Variants in CNTNAP2 observed in about 807,000 individuals in gnomAD.
CNTNAP2 encodes contactin-associated protein-like 2.
A neutral mutation model predicts 155.2 loss-of-function variants in CNTNAP2; 98 were observed. The ratio of observed to expected loss-of-function variants is 0.63; its 90% CI spans 0.54 to 0.75. CNTNAP2 has a LOEUF of 0.75. CNTNAP2 is among the 30% of genes least tolerant of loss of function. The pLI, the probability that CNTNAP2 is intolerant of heterozygous loss-of-function variation, is 0.00. For missense variants in CNTNAP2, 1,727 were observed against 1,688.1 expected (o/e 1.02, Z -0.40); for synonymous variants, 651 against 631.2 (o/e 1.03, Z -0.47).
chr7:146,120,228 G>A (rs1462212263), intron 1 of CNTNAP2, among the ~76,000 whole-genome samples: 1 of 151,892 alleles, frequency 6.6e-6, no homozygotes, highest in Non-Finnish European at 1.5e-5. Context: ...GGTTTATAGA[G>A]ACCTTGAACA....
chr7:147,115,707 C>T (rs1217560645), intron 5 of CNTNAP2, among the ~76,000 whole-genome samples: 1 of 151,988 alleles, frequency 6.6e-6, no homozygotes, highest in Non-Finnish European at 1.5e-5. Flanking sequence ...CTATCAGATC[C>T]CATATTGTAT....
chr7:147,348,322 A>C (rs1563169775), intron 9 of CNTNAP2, among the ~76,000 whole-genome samples: 3 of 152,006 alleles, frequency 2.0e-5, no homozygotes, highest in African/African-American at 2.4e-5. Flanking sequence ...AATATATTTT[A>C]AAATGGGCAA....
intron 12 of CNTNAP2, among the ~76,000 whole-genome samples, chr7:147,609,901 G>A (rs781109257): frequency 1.8e-4 from 27 of 151,956 alleles, no homozygotes; most frequent in Non-Finnish European, 3.8e-4. Flanking sequence ...TAAATTCGGG[G>A]AAAGACAAAT....
chr7:147,944,749 G>A (rs1041511725), intron 14 of CNTNAP2, among the ~76,000 whole-genome samples: 7 of 152,172 alleles, frequency 4.6e-5, no homozygotes, highest in African/African-American at 1.4e-4. Context: ...TTGTAGGGAT[G>A]GATACACAGC....
chr7:148,124,064 A>G (rs764787225), intron 16 of CNTNAP2, among the ~76,000 whole-genome samples: 4 of 152,130 alleles, frequency 2.6e-5, no homozygotes, highest in Non-Finnish European at 4.4e-5. Context: ...GAAGGAGAAA[A>G]CTATGGTAGA....
intron 13 of CNTNAP2, among the ~76,000 whole-genome samples, chr7:147,642,011 C>CATGT (rs1554416368): frequency 7.3e-5 from 11 of 149,712 alleles, no homozygotes; most frequent in African/African-American, 2.7e-4. Context: ...TGTGTGTGTG[C>CATGT]GTGTGTGTGT....
At chr7:146,498,102 C>T (rs1194677337) in intron 1 of CNTNAP2, among the ~76,000 whole-genome samples, 1 of 152,004 alleles carries the variant, frequency 6.6e-6, no homozygotes, top group Non-Finnish European at 1.5e-5. Flanking sequence ...TAATTGAATT[C>T]AGAAGCAGGA....
intron 1 of CNTNAP2, among the ~76,000 whole-genome samples, chr7:146,413,367 A>G (rs1795893674): frequency 6.6e-6 from 1 of 152,196 alleles, no homozygotes; most frequent in Non-Finnish European, 1.5e-5. Context: ...TGCAAGTCCC[A>G]AGATCCCAAA....
At chr7:146,784,358 AAG>A (rs1802538553) in intron 2 of CNTNAP2, among the ~76,000 whole-genome samples, 1 of 152,200 alleles carries the variant, frequency 6.6e-6, no homozygotes, top group Non-Finnish European at 1.5e-5. Flanking sequence ...GACTGTCTAA[AAG>A]AGGGGGAAGT....
intron 12 of CNTNAP2, among the ~76,000 whole-genome samples, chr7:147,577,111 T>TGCACG (rs1563005341): frequency 6.6e-6 from 1 of 152,086 alleles, no homozygotes; most frequent in Non-Finnish European, 1.5e-5. Flanking sequence ...GATGGTTACT[T>TGCACG]TCACGTGACC....
intron 3 of CNTNAP2, among the ~76,000 whole-genome samples, chr7:147,016,301 T>G (rs1798722115): frequency 6.6e-6 from 1 of 151,986 alleles, no homozygotes; most frequent in Non-Finnish European, 1.5e-5. Context: ...TCTTCTGAGT[T>G]CAAGCCGGAT....
intron 3 of CNTNAP2, among the ~76,000 whole-genome samples, chr7:146,990,234 T>C (rs1414920650): frequency 6.6e-6 from 1 of 152,176 alleles, no homozygotes; most frequent in Non-Finnish European, 1.5e-5. Context: ...TGCTGAGTCC[T>C]GAGTCTCAAT....
At chr7:146,800,217 G>A (rs1436014010) in intron 2 of CNTNAP2, among the ~76,000 whole-genome samples, 1 of 152,004 alleles carries the variant, frequency 6.6e-6, no homozygotes, top group Non-Finnish European at 1.5e-5. Context: ...CTTTTTTACT[G>A]AAGTTTCTAG....
intron 1 of CNTNAP2, among the ~76,000 whole-genome samples, chr7:146,273,086 A>AGAGAGAG (rs1563016942): frequency 3.9e-4 from 54 of 138,066 alleles, no homozygotes; most frequent in African/African-American, 1.5e-3. Context: ...GAGAAAGAGA[A>AGAGAGAG]AGAGAGAGAG....
chr7:147,383,084 A>G (rs1796564139), intron 9 of CNTNAP2, among the ~76,000 whole-genome samples: 1 of 150,222 alleles, frequency 6.7e-6, no homozygotes, highest in South Asian at 2.1e-4. Flanking sequence ...CACTATTTTT[A>G]TCCTAGAAAA....
At position 147,132,436 on chromosome 7, in the gene CNTNAP2, C is replaced by T; in HGVS notation, c.1275C>T (p.Asp425=). 1.9e-6 allele frequency: 3 copies of T among 1,613,628 alleles called. No homozygotes were observed. Among genetic ancestry groups the T allele is most frequent in the Non-Finnish European group, 2.5e-6 (3 of 1,179,756 alleles). The part of the protein sequence containing the change: ...FADNLGNVEI[D]LTESKVGVHI... Reference sequence around the variant, plus strand: ...ATAATTTGGGCAATGTGGAGATTGACCTCACTGAAAGCAAAGTGGGTGTTC... The same window carrying T: ...ATAATTTGGGCAATGTGGAGATTGATCTCACTGAAAGCAAAGTGGGTGTTC... Residue 425 remains aspartate, a synonymous_variant, in exon 8 of 24, where the codon GAC becomes GAT. Transcript: ENST00000361727.
intron 5 of CNTNAP2, among the ~76,000 whole-genome samples, chr7:147,116,162 C>G (rs1800985955): frequency 6.6e-6 from 1 of 152,144 alleles, no homozygotes; most frequent in Non-Finnish European, 1.5e-5. Context: ...ATGAAGCCTG[C>G]AGGACAGCAA....
intron 1 of CNTNAP2, among the ~76,000 whole-genome samples, chr7:146,236,770 A>G (rs1283234075): frequency 6.6e-6 from 1 of 151,362 alleles, no homozygotes; most frequent in South Asian, 2.1e-4. Context: ...CATACTAATG[A>G]CCCCCAAGAG....
At chr7:147,393,630 C>T (rs1047716309) in intron 9 of CNTNAP2, among the ~76,000 whole-genome samples, 1 of 151,948 alleles carries the variant, frequency 6.6e-6, no homozygotes, top group African/African-American at 2.4e-5. Flanking sequence ...TGTGTGCACG[C>T]AACTGGTATA....
Sources: allele counts gnomAD v4.1 joint callset (sites outside exome capture counted in the v4.1 genomes callset), GRCh38; gene constraint gnomAD v4.1.1; transcripts MANE v1.5; gene names NCBI Gene and HGNC (gene_info 2026-07-23, HGNC 2026-07-21).